Variants in HS3ST3B1 observed in about 807,000 individuals in gnomAD.
The protein encoded by HS3ST3B1 is heparan sulfate glucosamine 3-O-sulfotransferase 3B1.
A neutral mutation model predicts 21.3 loss-of-function variants in HS3ST3B1; 13 were observed. The ratio of observed to expected loss-of-function variants is 0.61; its 90% CI spans 0.40 to 0.97. The LOEUF (loss-of-function observed/expected upper bound fraction) is 0.97. HS3ST3B1 is among the 50% of genes least tolerant of loss of function. The probability of loss-of-function intolerance (pLI) is 0.00; values close to 1 mark genes in which losing one functional copy is unlikely to be tolerated. For synonymous variants in HS3ST3B1, 234 were observed against 254.8 expected (o/e 0.92, Z 0.78); for missense variants, 459 against 554.8 (o/e 0.83, Z 1.73).
chr17:14,301,447 T>G lies in HS3ST3B1; in HGVS notation c.-72T>G. On this transcript the variant is annotated 5_prime_UTR_variant, in exon 1 of 2. Transcript: ENST00000360954. ...GCGTCCAGCGTGCCGGGGAACCCTCTCTGCGCTCACTGCCCGGCGGGACCC... is the reference window on the plus strand; with the variant it reads ...GCGTCCAGCGTGCCGGGGAACCCTCGCTGCGCTCACTGCCCGGCGGGACCC... The G allele has an allele frequency of 7.5e-7, 1 of 1,333,864 alleles. No individual in the cohort carries two copies. The highest frequency in any genetic ancestry group is 1.7e-5 in the South Asian group (1 of 58,872). 82.6% of individuals were successfully genotyped at this position (1,333,864 alleles called of 1,614,324 possible). A position where few individuals can be genotyped will look rare whatever the true frequency, so the allele number is the denominator to read the frequency against.
At chr17:14,319,097 G>T (rs925165800) in intron 1 of HS3ST3B1, among the ~76,000 whole-genome samples, 2 of 152,184 alleles carry the variant, frequency 1.3e-5, no homozygotes, top group Non-Finnish European at 2.9e-5. Flanking sequence ...AAGCTCAGGT[G>T]CGGAGAGAGG....
intron 1 of HS3ST3B1, among the ~76,000 whole-genome samples, chr17:14,343,918 C>T (rs567981163): frequency 3.8e-4 from 54 of 140,646 alleles, no homozygotes; most frequent in Admixed American, 8.8e-4. Flanking sequence ...TTTTCTGAGA[C>T]GGAGTTTCCC....
intron 1 of HS3ST3B1, among the ~76,000 whole-genome samples, chr17:14,333,310 A>G (rs927252807): frequency 2.0e-5 from 3 of 151,890 alleles, no homozygotes; most frequent in African/African-American, 7.3e-5. Flanking sequence ...CACTAACAAT[A>G]CAAAAAATTA....
rs1332548559 is a variant in HS3ST3B1, at chr17:14,348,706, A to G, written c.*3060A>G. On this transcript the variant is annotated 3_prime_UTR_variant, in exon 2 of 2. Coordinates refer to ENST00000360954, the MANE Select transcript of HS3ST3B1 (RefSeq NM_006041.3). Reference sequence around the variant, plus strand: ...GCTCTGATATTCATTGGAGTACTTTATTTTTTTTCCTCAGTTTTGTTTCTT... The same window carrying G: ...GCTCTGATATTCATTGGAGTACTTTGTTTTTTTTCCTCAGTTTTGTTTCTT... The G allele has an allele frequency of 1.3e-5, 2 of 151,930 alleles. No homozygotes were observed. The highest frequency in any genetic ancestry group is 1.9e-4 in the East Asian group (1 of 5,190). 9.4% of individuals were successfully genotyped at this position (151,930 alleles called of 1,614,324 possible).
intron 1 of HS3ST3B1, among the ~76,000 whole-genome samples, chr17:14,322,152 A>G (rs1047877251): frequency 3.3e-5 from 5 of 151,982 alleles, no homozygotes; most frequent in African/African-American, 1.2e-4. Context: ...GATGAGTCAG[A>G]GGTGGGATGG....
rs1370589685 is a variant in HS3ST3B1 at position 14,303,289 on chromosome 17, T to C, written c.554+1217T>C. ...CTTGGGAAAACAAAAGAGGAGAAGA[T>C]AACTGAACCCCTCTCCCTGTGCCCA... On this transcript the variant is annotated intron_variant, in intron 1 of 1. Transcript: ENST00000360954. The surrounding 1 kb of genome is among the most constrained non-coding windows in gnomAD (Gnocchi z 5.7). Among the ~76,000 whole-genome samples the C allele has an allele frequency of 6.6e-6, 1 of 152,098 alleles. No individual in the cohort carries two copies. The highest frequency in any genetic ancestry group is 1.5e-5 in the Non-Finnish European group (1 of 68,016).
intron 1 of HS3ST3B1, among the ~76,000 whole-genome samples, chr17:14,309,093 C>A (rs1411064382): frequency 6.6e-6 from 1 of 152,230 alleles, no homozygotes; most frequent in East Asian, 1.9e-4. Flanking sequence ...GACGTTGCCA[C>A]GTGTCCGCTC....
At chr17:14,343,985 C>T (rs1225352228) in intron 1 of HS3ST3B1, among the ~76,000 whole-genome samples, 1 of 152,024 alleles carries the variant, frequency 6.6e-6, no homozygotes, top group African/African-American at 2.4e-5. Flanking sequence ...CAACCTCTGC[C>T]TCCCTGGTTC....
At position 14,311,398 on chromosome 17, in the gene HS3ST3B1, C is replaced by T. The variant is rs548879178; in HGVS notation, c.554+9326C>T. ...CAGACCCAGACCGTATTTTTAGAGC[C>T]GTTTTAGGTTCACAGCAAAATTTAA... On this transcript the variant is annotated intron_variant, in intron 1 of 1. Coordinates refer to ENST00000360954, the MANE Select transcript of HS3ST3B1 (RefSeq NM_006041.3). Among the ~76,000 whole-genome samples, 20 of 152,232 alleles carry T rather than the reference C, an allele frequency of 1.3e-4. No individual in the cohort carries two copies. The South Asian group carries it at 3.9e-3, about 30-fold the overall frequency.
intron 1 of HS3ST3B1, among the ~76,000 whole-genome samples, chr17:14,318,598 T>A (rs1326491438): frequency 6.6e-6 from 1 of 152,166 alleles, no homozygotes; most frequent in African/African-American, 2.4e-5. Flanking sequence ...CAGAATTGGG[T>A]TGCCCTGATC....
chr17:14,343,250 A>G (rs73257336), intron 1 of HS3ST3B1, among the ~76,000 whole-genome samples: 8,525 of 152,122 alleles, frequency 0.056, 831 homozygotes, highest in African/African-American at 0.19. Flanking sequence ...TCAAAAAAAA[A>G]AAAAGAAAAG....
chr17:14,329,365 GAAAAGGAAGGAA>G (rs747832363), intron 1 of HS3ST3B1: 3 of 77,982 alleles, frequency 3.8e-5, no homozygotes, highest in African/African-American at 1.7e-4. Context: ...AAGAAAGAAA[GAAAAGGAAGGAA>G]GGAAGGAAGG....
intron 1 of HS3ST3B1, among the ~76,000 whole-genome samples, chr17:14,335,497 C>A (rs901737137): frequency 1.3e-5 from 2 of 152,250 alleles, no homozygotes; most frequent in Middle Eastern, 3.4e-3. Context: ...GAGTTCGACA[C>A]CAGCCTGTCC....
At chr17:14,341,108 AATCTTT>A (rs1362125258) in intron 1 of HS3ST3B1, among the ~76,000 whole-genome samples, 1 of 152,064 alleles carries the variant, frequency 6.6e-6, no homozygotes, top group Non-Finnish European at 1.5e-5. Flanking sequence ...CGGCTCAGGG[AATCTTT>A]ATTTATGGTT....
chr17:14,335,341 A>T (rs1910153918), intron 1 of HS3ST3B1, among the ~76,000 whole-genome samples: 1 of 152,220 alleles, frequency 6.6e-6, no homozygotes, highest in Non-Finnish European at 1.5e-5. Flanking sequence ...TTAGGAGCAG[A>T]TATCTTCAAA....
intron 1 of HS3ST3B1, among the ~76,000 whole-genome samples, chr17:14,326,921 CAAAAAAAAAAAAAA>C (rs60800866): frequency 5.0e-5 from 3 of 60,484 alleles, no homozygotes; most frequent in African/African-American, 1.5e-4. Context: ...AACTCTGTCT[CAAAAAAAAAAAAAA>C]AAAAAAAAAA....
chr17:14,330,896 A>G (rs1242123177), intron 1 of HS3ST3B1, among the ~76,000 whole-genome samples: 3 of 152,116 alleles, frequency 2.0e-5, no homozygotes, highest in Non-Finnish European at 4.4e-5. Context: ...CCGGGAAGCT[A>G]GGACTCATCA....
chr17:14,302,081 C>T lies in HS3ST3B1; in HGVS notation c.554+9C>T. Reference sequence around the variant, plus strand: ...GGCCTCGCTTGGTACCGGTGAGTTTCCCTGCCAGGGGCAGGGTCTCCATCG... The same window carrying T: ...GGCCTCGCTTGGTACCGGTGAGTTTTCCTGCCAGGGGCAGGGTCTCCATCG... On this transcript the variant is annotated intron_variant, in intron 1 of 1. Coordinates refer to ENST00000360954, the MANE Select transcript of HS3ST3B1 (RefSeq NM_006041.3). 5 of 1,589,806 alleles carry T rather than the reference C, an allele frequency of 3.1e-6. No individual in the cohort carries two copies. Among genetic ancestry groups the T allele is most frequent in the Non-Finnish European group, 4.3e-6 (5 of 1,173,300 alleles).
chr17:14,334,816 T>A (rs1910140956), intron 1 of HS3ST3B1, among the ~76,000 whole-genome samples: 1 of 152,180 alleles, frequency 6.6e-6, no homozygotes, highest in Non-Finnish European at 1.5e-5. Flanking sequence ...AGTGTTTTCT[T>A]TTTGAGTTTA....
Sources: allele counts gnomAD v4.1 joint callset (sites outside exome capture counted in the v4.1 genomes callset), GRCh38; gene constraint gnomAD v4.1.1; non-coding constraint Gnocchi (gnomAD v3.1); transcripts MANE v1.5; gene names NCBI Gene and HGNC (gene_info 2026-07-23, HGNC 2026-07-21).